The following RHOBTB2 variants were observed in gnomAD, a reference collection of about 807,000 sequenced individuals.
RHOBTB2 encodes rho-related BTB domain-containing protein 2.
RHOBTB2 carries 39 observed loss-of-function variants against 66.5 expected under a neutral mutation model. The observed-to-expected ratio is 0.59, with a 90% CI of 0.45 to 0.77. RHOBTB2 has a LOEUF of 0.77. RHOBTB2 is among the 30% of genes least tolerant of loss of function. The probability of loss-of-function intolerance (pLI) is 0.00; values close to 1 mark genes in which losing one functional copy is unlikely to be tolerated. For synonymous variants in RHOBTB2, 390 were observed against 395.0 expected, an observed-to-expected ratio of 0.99 and a Z score of 0.15; for missense variants, 755 against 999.1, an observed-to-expected ratio of 0.76 and a Z score of 3.29.
At chr8:22,950,962 T>C in the RHOBTB2 span, among the ~76,000 whole-genome samples, 1 of 152,208 alleles carries the variant, frequency 6.6e-6, no homozygotes, top group Non-Finnish European at 1.5e-5. Flanking sequence ...TCTAGCTTAC[T>C]TGTCTATGTC....
chr8:22,983,715 C>T (rs1810248872), upstream of RHOBTB2, among the ~76,000 whole-genome samples: 1 of 151,608 alleles, frequency 6.6e-6, no homozygotes, highest in Non-Finnish European at 1.5e-5. Context: ...TTGGATGGTT[C>T]TGTTAAATAT....
upstream of RHOBTB2, among the ~76,000 whole-genome samples, chr8:22,983,924 CG>C (rs1563279870): frequency 6.6e-6 from 1 of 152,004 alleles, no homozygotes; most frequent in Non-Finnish European, 1.5e-5. Flanking sequence ...TTAGTAGAGA[CG>C]GGGTTTCACC....
At chr8:22,999,481 C>T (rs1476860505), upstream of RHOBTB2, 3 of 934,198 alleles carry the variant, frequency 3.2e-6, no homozygotes, top group East Asian at 2.3e-4. Flanking sequence ...GTCCAATCCC[C>T]TTCTTCCCCC....
chr8:23,009,553 T>C (rs976998959), intron 6 of RHOBTB2, among the ~76,000 whole-genome samples: 1 of 152,216 alleles, frequency 6.6e-6, no homozygotes, highest in African/African-American at 2.4e-5. Context: ...TAACTGCTTC[T>C]GAGCGCAGGG....
the RHOBTB2 span, among the ~76,000 whole-genome samples, chr8:22,955,564 C>CTTTTTTT: frequency 1.9e-5 from 2 of 103,966 alleles, no homozygotes; most frequent in Non-Finnish European, 3.9e-5. Context: ...TTCAATAAAT[C>CTTTTTTT]TTTTTTTTTT....
chr8:23,015,288 C>A (rs1326369697), intron 8 of RHOBTB2, among the ~76,000 whole-genome samples: 2 of 152,178 alleles, frequency 1.3e-5, no homozygotes, highest in Non-Finnish European at 2.9e-5. Flanking sequence ...TCCGTGCAGG[C>A]TGCCTTGATC....
intron 8 of RHOBTB2, among the ~76,000 whole-genome samples, chr8:23,015,101 T>C (rs1811252775): frequency 6.6e-6 from 1 of 152,106 alleles, no homozygotes; most frequent in Non-Finnish European, 1.5e-5. Context: ...GGACTTTCCA[T>C]CTGAAATTAA....
At position 22,999,803 on chromosome 8, in the gene RHOBTB2, T is replaced by G. The variant is rs1810709754; in HGVS notation, c.-313T>G. 1.0e-6 allele frequency: 1 copy of G among 983,128 alleles called. No individual in the cohort carries two copies. The highest frequency in any genetic ancestry group is 1.2e-6 in the Non-Finnish European group (1 of 829,532). 60.9% of individuals were successfully genotyped at this position (983,128 alleles called of 1,614,324 possible). On this transcript the variant is annotated 5_prime_UTR_variant, in exon 1 of 10. Transcript: ENST00000251822. ...CCGCCCGCTGCCTCCGCAGCCCGGC[T>G]CCGCGCGCCGCCGTGACATTGGGCG...
chr8:23,001,671 A>G (rs1431235452), intron 1 of RHOBTB2, among the ~76,000 whole-genome samples: 4 of 152,236 alleles, frequency 2.6e-5, no homozygotes, highest in Non-Finnish European at 5.9e-5. Context: ...AGACTCTTCC[A>G]ATGTCTTCAT....
chr8:22,980,830 A>C, the RHOBTB2 span, among the ~76,000 whole-genome samples: 2 of 152,334 alleles, frequency 1.3e-5, no homozygotes, highest in African/African-American at 2.4e-5. Context: ...TAGAAATCCC[A>C]AATTACAACT....
At chr8:22,986,989 G>T (rs1810300251), upstream of RHOBTB2, among the ~76,000 whole-genome samples, 3 of 152,324 alleles carry the variant, frequency 2.0e-5, no homozygotes, top group South Asian at 6.2e-4. Flanking sequence ...CTTCTTCGTG[G>T]CCTTCCCTCT....
chr8:22,987,234 A>G (rs1810304188), upstream of RHOBTB2, among the ~76,000 whole-genome samples: 1 of 152,232 alleles, frequency 6.6e-6, no homozygotes. Context: ...GCCAGGCATC[A>G]AGAATGCTCA....
At chr8:22,979,968 C>G in the RHOBTB2 span, among the ~76,000 whole-genome samples, 1 of 151,838 alleles carries the variant, frequency 6.6e-6, no homozygotes, top group African/African-American at 2.4e-5. Flanking sequence ...CCACGTTGGC[C>G]AGGATAGTCT....
At chr8:22,958,958 T>G in the RHOBTB2 span, among the ~76,000 whole-genome samples, 2 of 152,196 alleles carry the variant, frequency 1.3e-5, no homozygotes, top group African/African-American at 4.8e-5. Flanking sequence ...CTGTGTATGG[T>G]AAACATGTGT....
At chr8:22,988,706 C>A (rs2466186) in intron 1 of RHOBTB2, among the ~76,000 whole-genome samples, 20,733 of 152,236 alleles carry the variant, frequency 0.14, 1,820 homozygotes, top group South Asian at 0.26. Context: ...ACAGAGACCC[C>A]CAACCACTCC....
the RHOBTB2 span, among the ~76,000 whole-genome samples, chr8:22,968,291 G>T: frequency 6.6e-6 from 1 of 151,824 alleles, no homozygotes; most frequent in Non-Finnish European, 1.5e-5. Context: ...CAAATTAAAT[G>T]AAGTATATAT....
rs912450191 is a variant in RHOBTB2 at position 23,004,998 on chromosome 8, T to C, written c.192+372T>C. On this transcript the variant is annotated intron_variant, in intron 2 of 9. Transcript: ENST00000251822. This position sits in a 1 kb window ranked among gnomAD's most constrained non-coding sequence, Gnocchi z 6.4. ...CAGCTGATAGCAAAAGACCAGAGGC[T>C]CACAAACATGCAGTTTGCAAGGAAA... is the stretch of plus-strand genomic sequence containing the variant. Among the ~76,000 whole-genome samples, 48 of 152,030 alleles carry C rather than the reference T, an allele frequency of 3.2e-4. No homozygotes were observed. The highest frequency in any genetic ancestry group is 1.1e-3 in the African/African-American group (44 of 41,398).
chr8:22,962,481 T>C, the RHOBTB2 span, among the ~76,000 whole-genome samples: 1 of 152,186 alleles, frequency 6.6e-6, no homozygotes, highest in African/African-American at 2.4e-5. Flanking sequence ...AACAAGAAGA[T>C]GTTGCTAAAC....
the RHOBTB2 span, among the ~76,000 whole-genome samples, chr8:22,972,438 C>T: frequency 2.0e-5 from 3 of 152,192 alleles, no homozygotes; most frequent in Non-Finnish European, 4.4e-5. Context: ...TTTCTTGAAT[C>T]TGGTATACTG....
Sources: allele counts gnomAD v4.1 joint callset (sites outside exome capture counted in the v4.1 genomes callset), GRCh38; gene constraint gnomAD v4.1.1; non-coding constraint Gnocchi (gnomAD v3.1); transcripts MANE v1.5; gene names NCBI Gene and HGNC (gene_info 2026-07-23, HGNC 2026-07-21).